Variants in FIG4 observed in about 807,000 individuals in gnomAD.
FIG4 encodes FIG4 phosphoinositide 5-phosphatase, also known as polyphosphoinositide phosphatase.
Under a neutral mutation model 118.6 loss-of-function variants are expected in FIG4, and 112 were observed. That is an observed-to-expected ratio of 0.94 (90% CI 0.81 to 1.11). The LOEUF is 1.11. Among genes scored for constraint, FIG4 ranks in the 50% least tolerant of loss-of-function variants. The pLI is 0.00. For synonymous variants in FIG4, 369 were observed against 381.2 expected (o/e 0.97, Z 0.37); for missense variants, 969 against 1,111.7 (o/e 0.87, Z 1.83).
At chr6:109,752,555 A>G (rs989946828) in intron 10 of FIG4, among the ~76,000 whole-genome samples, 7 of 152,068 alleles carry the variant, frequency 4.6e-5, no homozygotes, top group African/African-American at 1.7e-4. Flanking sequence ...ATGGTATCTC[A>G]TTGTGGTTTT....
intron 15 of FIG4, among the ~76,000 whole-genome samples, chr6:109,769,004 G>A (rs1158514086): frequency 6.6e-6 from 1 of 152,000 alleles, no homozygotes; most frequent in African/African-American, 2.4e-5. Context: ...ATCCCTCAGG[G>A]TGTATATCAC....
intron 1 of FIG4, among the ~76,000 whole-genome samples, chr6:109,709,742 C>T (rs539378921): frequency 1.3e-5 from 2 of 152,106 alleles, no homozygotes; most frequent in African/African-American, 4.8e-5. Flanking sequence ...GGAGTTTGTC[C>T]CTGATTTGGC....
intron 1 of FIG4, among the ~76,000 whole-genome samples, chr6:109,704,567 C>T (rs1002237370): frequency 1.6e-4 from 24 of 149,956 alleles, no homozygotes; most frequent in Non-Finnish European, 3.0e-4. Context: ...ACTTGGGAGG[C>T]TGAGGGAGGA....
intron 16 of FIG4, among the ~76,000 whole-genome samples, chr6:109,777,896 A>C (rs1481656187): frequency 6.6e-6 from 1 of 152,168 alleles, no homozygotes; most frequent in Non-Finnish European, 1.5e-5. Flanking sequence ...TAAACTCTCT[A>C]AGCCTTATTT....
At chr6:109,753,607 C>G (rs1221552988) in intron 10 of FIG4, among the ~76,000 whole-genome samples, 3 of 152,166 alleles carry the variant, frequency 2.0e-5, no homozygotes. Flanking sequence ...TTTGTATCCT[C>G]TTTAATTCCG....
At chr6:109,763,595 C>G (rs1426851315) in intron 12 of FIG4, among the ~76,000 whole-genome samples, 1 of 152,120 alleles carries the variant, frequency 6.6e-6, no homozygotes, top group Non-Finnish European at 1.5e-5. Context: ...AGATGCCCTA[C>G]AATTATTATT....
chr6:109,752,548 G>T (rs201299320), intron 10 of FIG4, among the ~76,000 whole-genome samples: 1 of 152,082 alleles, frequency 6.6e-6, no homozygotes, highest in Admixed American at 6.5e-5. Context: ...GTGTGAGATG[G>T]TATCTCATTG....
In FIG4 at chr6:109,692,033, A is replaced by G. The variant is rs143511647; in HGVS notation, c.66+532A>G. 3.0e-3 allele frequency among the ~76,000 whole-genome samples: 450 copies of G among 152,312 alleles called. 4 individuals carry two copies. Among genetic ancestry groups the G allele is most frequent in the African/African-American group, 9.8e-3 (408 of 41,594 alleles). ...GAAAACTTACTTTGTTTAAAGACAG[A>G]TAATTTGTTTGGATAACATCTTGCT... On this transcript the variant is annotated intron_variant, in intron 1 of 22. Coordinates refer to ENST00000230124, the MANE Select transcript of FIG4 (RefSeq NM_014845.6).
Position 109,743,240 on chromosome 6 carries a change from T to C in FIG4, c.1007T>C (p.Ile336Thr). The change falls in exon 9 of 23, where the codon ATT becomes ACT. Residue 336 changes from isoleucine to threonine, a missense_variant. By Grantham distance (89) the Ile-to-Thr change is moderately conservative (BLOSUM62 -1). This residue lies in a region of FIG4 where 246 missense variants were observed against 354.3 expected (regional missense o/e 0.69). Coordinates refer to ENST00000230124, the MANE Select transcript of FIG4 (RefSeq NM_014845.6). ...GSVPLYWSQD[I>T]STMMPKPPIT... ...GTGCCCTTATACTGGTCTCAGGACATTTCAACTATGATGCCTAAACCACCT... is the reference window on the plus strand; with the variant it reads ...GTGCCCTTATACTGGTCTCAGGACACTTCAACTATGATGCCTAAACCACCT... 6.2e-7 allele frequency: 1 copy of C among 1,612,994 alleles called. No homozygotes were observed. The highest frequency in any genetic ancestry group is 8.5e-7 in the Non-Finnish European group (1 of 1,179,260).
intron 1 of FIG4, among the ~76,000 whole-genome samples, chr6:109,693,812 C>G (rs1430859855): frequency 1.3e-5 from 2 of 151,914 alleles, no homozygotes; most frequent in African/African-American, 2.4e-5. Flanking sequence ...TGGGCAACCA[C>G]CCTTGAAAAT....
chr6:109,766,563 C>T (rs1216199621), intron 14 of FIG4, among the ~76,000 whole-genome samples, 166 bp from the exon 15 acceptor site: 1 of 152,198 alleles, frequency 6.6e-6, no homozygotes, highest in Non-Finnish European at 1.5e-5. Flanking sequence ...TGGAATATCA[C>T]TCTAAAATAT....
chr6:109,746,259 G>A, intron 10 of FIG4, among the ~76,000 whole-genome samples: 1 of 152,174 alleles, frequency 6.6e-6, no homozygotes. Flanking sequence ...GTATTTTTGA[G>A]AGTTTCCTAT....
At chr6:109,752,862 T>C (rs957498234) in intron 10 of FIG4, among the ~76,000 whole-genome samples, 18 of 152,196 alleles carry the variant, frequency 1.2e-4, no homozygotes, top group African/African-American at 4.3e-4. Context: ...CATTTGTCAA[T>C]TTTGGCTTTT....
intron 10 of FIG4, among the ~76,000 whole-genome samples, chr6:109,753,737 CTCTG>C (rs1180276906): frequency 2.0e-5 from 3 of 151,874 alleles, no homozygotes; most frequent in African/African-American, 7.3e-5. Context: ...TGATTTGGCT[CTCTG>C]TCTGTTATTG....
At chr6:109,795,534 AC>A (rs1778260161) in intron 21 of FIG4, among the ~76,000 whole-genome samples, 1 of 146,906 alleles carries the variant, frequency 6.8e-6, no homozygotes, top group African/African-American at 2.5e-5. Flanking sequence ...CAAAGAAAAT[AC>A]TTTTAAGTAG....
chr6:109,719,043 C>T (rs184407918), intron 3 of FIG4, among the ~76,000 whole-genome samples: 1 of 151,720 alleles, frequency 6.6e-6, no homozygotes, highest in Non-Finnish European at 1.5e-5. Flanking sequence ...CTCAGCCTCC[C>T]GAGTAGCTGG....
intron 9 of FIG4, 52 bp downstream of exon 9, chr6:109,743,324 A>G (rs756651682): frequency 6.5e-7 from 1 of 1,542,598 alleles, no homozygotes; most frequent in South Asian, 1.1e-5. Flanking sequence ...ATTTAGAGAT[A>G]ATGAACTGTT....
At chr6:109,726,043 G>A (rs755997376) in intron 3 of FIG4, among the ~76,000 whole-genome samples, 1 of 152,108 alleles carries the variant, frequency 6.6e-6, no homozygotes, top group Non-Finnish European at 1.5e-5. Flanking sequence ...CTCCCGTTCT[G>A]TAGGTTACCT....
chr6:109,760,100 A>G, intron 10 of FIG4, 150 bp from the exon 11 acceptor site: 1 of 666,336 alleles, frequency 1.5e-6, no homozygotes, highest in East Asian at 2.7e-5. Flanking sequence ...TTGTGTTTTT[A>G]TTATTTCTGA....
Sources: allele counts gnomAD v4.1 joint callset (sites outside exome capture counted in the v4.1 genomes callset), GRCh38; gene constraint gnomAD v4.1.1; regional missense constraint gnomAD v4.1.1; transcripts MANE v1.5; gene names NCBI Gene and HGNC (gene_info 2026-07-23, HGNC 2026-07-21).